The following RASAL1 variants were observed in gnomAD, a reference collection of about 807,000 sequenced individuals.
The protein encoded by RASAL1 is rasGAP-activating-like protein 1.
A neutral mutation model predicts 96.6 loss-of-function variants in RASAL1; 72 were observed. The observed-to-expected ratio is 0.75, with a 90% CI of 0.62 to 0.91. The LOEUF is 0.91. RASAL1 is among the 40% of genes least tolerant of loss of function. The probability of loss-of-function intolerance (pLI) is 0.00; values close to 1 mark genes in which losing one functional copy is unlikely to be tolerated. For synonymous variants in RASAL1, 405 were observed against 430.4 expected (o/e 0.94, Z 0.73); for missense variants, 1,016 against 1,072.5 (o/e 0.95, Z 0.74).
chr12:113,134,147 T>TG lies in RASAL1; in HGVS notation c.65+1250dup, dbSNP rs951936625. ...AGGGGACATCTTAGAAAGAGTCTGG[T>TG]GGGGGGGCTTGTCCAGCCACTGAAC... is the stretch of plus-strand genomic sequence containing the variant. On this transcript the variant is annotated intron_variant, in intron 1 of 20. Transcript: ENST00000548055. 8.9e-4 allele frequency among the ~76,000 whole-genome samples: 136 copies of TG among 152,176 alleles called. 1 individual carries two copies. The highest frequency in any genetic ancestry group is 1.6e-3 in the Non-Finnish European group (107 of 67,982).
At chr12:113,124,656 C>T (rs909670991) in intron 4 of RASAL1, among the ~76,000 whole-genome samples, 2 of 152,196 alleles carry the variant, frequency 1.3e-5, no homozygotes, top group African/African-American at 4.8e-5. Context: ...AGGGGGAAGT[C>T]ACCTCCCCTC....
intron 1 of RASAL1, among the ~76,000 whole-genome samples, chr12:113,132,276 C>T (rs148281552): frequency 6.6e-6 from 1 of 152,238 alleles, no homozygotes; most frequent in Non-Finnish European, 1.5e-5. Flanking sequence ...GCCGGCCTCC[C>T]TTATTTCTCT....
At chr12:113,116,257 C>T (rs1443472819) in intron 8 of RASAL1, among the ~76,000 whole-genome samples, 2 of 152,070 alleles carry the variant, frequency 1.3e-5, no homozygotes, top group African/African-American at 4.8e-5. Flanking sequence ...GTAGTCCCAG[C>T]TACTCAGGAG....
chr12:113,123,415 G>A (rs1313533888), intron 4 of RASAL1, among the ~76,000 whole-genome samples: 1 of 152,172 alleles, frequency 6.6e-6, no homozygotes, highest in African/African-American at 2.4e-5. Context: ...GACCCCTTGA[G>A]GGTCTCAGCC....
chr12:113,118,193 C>T (rs555911207), intron 7 of RASAL1, among the ~76,000 whole-genome samples: 14 of 152,254 alleles, frequency 9.2e-5, no homozygotes, highest in African/African-American at 2.9e-4. Flanking sequence ...CACTGCACTC[C>T]AGCCTGGGCA....
chr12:113,110,128 C>T (rs1405794887), intron 13 of RASAL1, among the ~76,000 whole-genome samples: 2 of 152,188 alleles, frequency 1.3e-5, no homozygotes, highest in Non-Finnish European at 2.9e-5. Flanking sequence ...TGCTGGCAGC[C>T]CAGGTGAGAG....
At chr12:113,127,778 C>A (rs755667162) in intron 4 of RASAL1, 34 bp downstream of exon 4, 10 of 1,584,870 alleles carry the variant, frequency 6.3e-6, no homozygotes, top group African/African-American at 2.7e-5. Context: ...CTGGGCATGG[C>A]CCCCTCCTCC....
rs759785196 is a variant in RASAL1, at chr12:113,117,081, C to G, written c.723G>C (p.Glu241Asp). ...FRLLPFPRAEEDSGGNLGALR... is the reference protein window; with the variant it reads ...FRLLPFPRAEDDSGGNLGALR... Reference sequence around the variant, plus strand: ...TCTGCACCCACATTTACCCAGAATCCTCCTCGGCTCTGGGAAAGGGCAGGA... The same window carrying G: ...TCTGCACCCACATTTACCCAGAATCGTCCTCGGCTCTGGGAAAGGGCAGGA... Residue 241 changes from glutamate to aspartate, a missense_variant, in exon 8 of 21, where the codon GAG (glutamate) becomes GAC (aspartate). Physicochemically the swap from Glu to Asp is conservative, Grantham distance 45. Coordinates refer to ENST00000548055, the MANE Select transcript of RASAL1 (RefSeq NM_001301202.2). 7 of 1,603,372 alleles carry G rather than the reference C, an allele frequency of 4.4e-6. No individual in the cohort carries two copies. Among genetic ancestry groups the G allele is most frequent in the Middle Eastern group, 3.3e-4 (2 of 6,036 alleles).
rs555512467 is a variant in RASAL1, at chr12:113,129,563, G to T, written c.122+1322C>A. Among the ~76,000 whole-genome samples the T allele has an allele frequency of 6.6e-6, 1 of 152,282 alleles. No homozygotes were observed. Among genetic ancestry groups the T allele is most frequent in the Admixed American group, 6.5e-5 (1 of 15,308 alleles). Reference sequence around the variant, plus strand: ...TCTCTGCCCTGACATCCCTGCAGGGGTACTTCCCTTTACCCAGCAGAGAAC... The same window carrying T: ...TCTCTGCCCTGACATCCCTGCAGGGTTACTTCCCTTTACCCAGCAGAGAAC... On this transcript the variant is annotated intron_variant, in intron 2 of 20. Transcript: ENST00000548055. The surrounding 1 kb of genome is among the most constrained non-coding windows in gnomAD (Gnocchi z 5.0).
At chr12:113,102,309 G>A (rs1003777095) in intron 18 of RASAL1, among the ~76,000 whole-genome samples, 2 of 152,204 alleles carry the variant, frequency 1.3e-5, no homozygotes, top group Non-Finnish European at 2.9e-5. Context: ...TGTAATCCCA[G>A]AACTTTGGGA....
chr12:113,101,526 G>A (rs1404069714), intron 19 of RASAL1, among the ~76,000 whole-genome samples: 1 of 152,154 alleles, frequency 6.6e-6, no homozygotes, highest in African/African-American at 2.4e-5. Flanking sequence ...ATAATGAGTT[G>A]GGACAAATCT....
intron 4 of RASAL1, among the ~76,000 whole-genome samples, chr12:113,126,006 C>T (rs746229861): frequency 6.6e-5 from 10 of 152,146 alleles, no homozygotes; most frequent in Non-Finnish European, 1.2e-4. Flanking sequence ...AGGTACAGGC[C>T]GGGTGCAGTG....
chr12:113,133,497 A>G (rs1240948944), intron 1 of RASAL1, among the ~76,000 whole-genome samples: 8 of 152,218 alleles, frequency 5.3e-5, no homozygotes, highest in Non-Finnish European at 1.0e-4. Flanking sequence ...GTCCATACTA[A>G]GCCCTCAGTG....
intron 16 of RASAL1, among the ~76,000 whole-genome samples, chr12:113,104,784 G>T (rs1448888574): frequency 3.3e-5 from 5 of 152,250 alleles, no homozygotes; most frequent in Admixed American, 2.0e-4. Context: ...TTACAGGCAT[G>T]AGCCACCGTG....
intron 13 of RASAL1, among the ~76,000 whole-genome samples, chr12:113,109,675 C>T (rs892074940): frequency 1.6e-4 from 24 of 152,190 alleles, no homozygotes; most frequent in African/African-American, 5.3e-4. Context: ...ATGCCCTCCC[C>T]GGGGCGTGTG....
rs1951872813 is a variant in RASAL1, at chr12:113,135,299, GC to G, written c.65+98del. On this transcript the variant is annotated intron_variant, in intron 1 of 20. Transcript: ENST00000548055. This position sits in a 1 kb window ranked among gnomAD's most constrained non-coding sequence, Gnocchi z 5.7. ...GACCAGTCTTGGACAAGAACCCCTC[GC>G]CCTCCTGCCAACCCGCCCTGGCACG... is the stretch of plus-strand genomic sequence containing the variant. The G allele has an allele frequency of 4.4e-6, 5 of 1,134,150 alleles. No individual in the cohort carries two copies. The East Asian group carries it at 1.3e-4, about 29-fold the overall frequency. The allele number at this position is 1,134,150 out of a possible 1,614,324, so 70.3% of individuals were successfully genotyped here.
intron 12 of RASAL1, among the ~76,000 whole-genome samples, chr12:113,113,624 A>C (rs1950955019): frequency 6.6e-6 from 1 of 152,202 alleles, no homozygotes; most frequent in Non-Finnish European, 1.5e-5. Context: ...TCTGAGGCTC[A>C]GTTGCATCAT....
intron 4 of RASAL1, among the ~76,000 whole-genome samples, chr12:113,126,686 TCTCACACACACA>T (rs973447570): frequency 8.5e-5 from 12 of 141,484 alleles, no homozygotes; most frequent in Admixed American, 2.1e-4. Flanking sequence ...TGTCTCTCTC[TCTCACACACACA>T]CACACACACA....
chr12:113,103,785 G>C (rs1244625162), intron 18 of RASAL1, 161 bp downstream of exon 18: 1 of 925,656 alleles, frequency 1.1e-6, no homozygotes, highest in Non-Finnish European at 1.7e-6. Flanking sequence ...AACTCCACGA[G>C]ATAGGCACTG....
Sources: allele counts gnomAD v4.1 joint callset (sites outside exome capture counted in the v4.1 genomes callset), GRCh38; gene constraint gnomAD v4.1.1; non-coding constraint Gnocchi (gnomAD v3.1); transcripts MANE v1.5; gene names NCBI Gene and HGNC (gene_info 2026-07-23, HGNC 2026-07-21).